Variants in KDM2B observed in about 807,000 individuals in gnomAD.
The protein encoded by KDM2B is lysine-specific demethylase 2B.
Under a neutral mutation model 150.0 loss-of-function variants are expected in KDM2B, and 26 were observed. The ratio of observed to expected loss-of-function variants is 0.17; its 90% CI spans 0.13 to 0.24. The LOEUF (loss-of-function observed/expected upper bound fraction) is 0.24, where lower values mean the gene tolerates loss of function less well. Ranked by LOEUF, KDM2B falls within the 10% of genes least tolerant of loss-of-function variation. KDM2B has a pLI of 1.00. For missense variants in KDM2B, 1,265 were observed against 1,816.9 expected (o/e 0.70, Z 5.52); for synonymous variants, 734 against 729.5 (o/e 1.01, Z -0.10).
intron 12 of KDM2B, chr12:121,470,315 G>C (rs1287326584): frequency 1.3e-5 from 2 of 152,158 alleles, no homozygotes; most frequent in African/African-American, 4.8e-5. Context: ...AAACAAAAAA[G>C]TTGCCGCTAA....
chr12:121,495,312 C>A (rs1243365462), intron 11 of KDM2B, among the ~76,000 whole-genome samples: 1 of 152,132 alleles, frequency 6.6e-6, no homozygotes, highest in African/African-American at 2.4e-5. Context: ...AGGTGTGCAC[C>A]ACCACGCTGG....
intron 12 of KDM2B, among the ~76,000 whole-genome samples, chr12:121,487,594 C>T (rs548140316): frequency 6.6e-6 from 1 of 152,248 alleles, no homozygotes; most frequent in South Asian, 2.1e-4. Flanking sequence ...TCACCAGACC[C>T]GTCGTGCCCT....
intron 10 of KDM2B, among the ~76,000 whole-genome samples, chr12:121,512,762 G>A (rs569626390): frequency 6.6e-6 from 1 of 152,200 alleles, no homozygotes; most frequent in Non-Finnish European, 1.5e-5. Context: ...AGGGCTGGGC[G>A]CTGCAGCGGC....
chr12:121,556,019 C>G (rs1555312643), intron 4 of KDM2B, among the ~76,000 whole-genome samples: 10 of 152,018 alleles, frequency 6.6e-5, no homozygotes, highest in Non-Finnish European at 1.5e-5. Context: ...CTCTGCCTCC[C>G]AAGTTCAAGA....
At chr12:121,497,983 C>T (rs941624236) in intron 11 of KDM2B, among the ~76,000 whole-genome samples, 2 of 151,916 alleles carry the variant, frequency 1.3e-5, no homozygotes, top group Admixed American at 6.6e-5. Flanking sequence ...GTGGTCCCAG[C>T]GACCTGGGAA....
At chr12:121,438,764 T>G (rs1469557877) in intron 22 of KDM2B, among the ~76,000 whole-genome samples, 6 of 151,914 alleles carry the variant, frequency 3.9e-5, no homozygotes, top group African/African-American at 1.5e-4. Flanking sequence ...ATGTCACCAC[T>G]GCGCTGTGTG....
chr12:121,580,890 C>A lies in KDM2B; in HGVS notation c.22G>T (p.Gly8Ter). The A allele has an allele frequency of 4.3e-6, 7 of 1,613,680 alleles. No individual in the cohort carries two copies. The highest frequency in any genetic ancestry group is 5.9e-6 in the Non-Finnish European group (7 of 1,179,830). MAGPQMG[G>*]SAEDHPPRKR... ...CGTGGGGGGTGATCCTCTGCAGATCCCCCCATTTGCGGACCCGCCATGTGG... is the reference window on the plus strand; with the variant it reads ...CGTGGGGGGTGATCCTCTGCAGATCACCCCATTTGCGGACCCGCCATGTGG... The change falls in exon 1 of 23, where the codon GGA (glycine) becomes TGA (stop). Residue 8 changes from glycine to a stop codon, truncating the protein, a stop_gained. Coordinates refer to ENST00000377071, the MANE Select transcript of KDM2B (RefSeq NM_032590.5). LOFTEE classifies it high-confidence loss of function.
At position 121,510,825 on chromosome 12, in the gene KDM2B, C is replaced by A. The variant is rs887360080; in HGVS notation, c.1175-786G>T. Among the ~76,000 whole-genome samples, 7 of 143,074 alleles carry A rather than the reference C, an allele frequency of 4.9e-5. No individual in the cohort carries two copies. The East Asian group carries it at 5.9e-4, about 12-fold the overall frequency. The allele number at this position is 143,074 out of a possible 152,430, so 93.9% of individuals were successfully genotyped here. A position where few individuals can be genotyped will look rare whatever the true frequency, so the allele number is the denominator to read the frequency against. ...AATAATAATAATAATAATAATAATA[C>A]TAAAATAAAATAAAAATAAGTCTAA... On this transcript the variant is annotated intron_variant, in intron 10 of 22. Coordinates refer to ENST00000377071, the MANE Select transcript of KDM2B (RefSeq NM_032590.5).
At chr12:121,502,910 G>A (rs1555302290) in intron 11 of KDM2B, among the ~76,000 whole-genome samples, 1 of 151,110 alleles carries the variant, frequency 6.6e-6, no homozygotes, top group Non-Finnish European at 1.5e-5. Context: ...CGGTGACAGA[G>A]CAAAAGACTC....
chr12:121,536,504 C>T (rs1888111589), intron 6 of KDM2B, among the ~76,000 whole-genome samples: 1 of 152,200 alleles, frequency 6.6e-6, no homozygotes, highest in African/African-American at 2.4e-5. Flanking sequence ...AGCGGGGTCC[C>T]CGCCTGAAGG....
intron 12 of KDM2B, among the ~76,000 whole-genome samples, chr12:121,491,293 T>G (rs1555299861): frequency 6.6e-6 from 1 of 152,012 alleles, no homozygotes; most frequent in African/African-American, 2.4e-5. Context: ...GATAACACCC[T>G]CCATCTCCCA....
rs782026983 is a variant in KDM2B, at chr12:121,534,596, A to G, written c.684-6T>C. 1.1e-5 allele frequency: 17 copies of G among 1,603,832 alleles called. No individual in the cohort carries two copies. The African/African-American group carries it at 2.0e-4, about 19-fold the overall frequency. On this transcript the variant is annotated splice_region_variant and splice_polypyrimidine_tract_variant and intron_variant, in intron 6 of 22. Transcript: ENST00000377071. ...TCACGCTCATCAGACAGTACCTGCA[A>G]CACAGAGGCAGGGAGACAGAACACA...
chr12:121,571,464 T>G (rs1353285538), intron 4 of KDM2B, among the ~76,000 whole-genome samples: 1 of 151,104 alleles, frequency 6.6e-6, no homozygotes, highest in Non-Finnish European at 1.5e-5. Flanking sequence ...AATTTTTGTA[T>G]TTTTAGCAGA....
intron 4 of KDM2B, among the ~76,000 whole-genome samples, chr12:121,567,710 T>C (rs1890805827): frequency 6.9e-6 from 1 of 145,718 alleles, no homozygotes; most frequent in Non-Finnish European, 1.5e-5. Flanking sequence ...ACATTTCTTT[T>C]TTTTTTTTTT....
chr12:121,554,881 A>G (rs1203176105), intron 4 of KDM2B, among the ~76,000 whole-genome samples: 5 of 152,174 alleles, frequency 3.3e-5, no homozygotes, highest in African/African-American at 1.2e-4. Flanking sequence ...GCAGCACTCA[A>G]ATATTTGATG....
intron 4 of KDM2B, among the ~76,000 whole-genome samples, chr12:121,551,044 CG>C (rs1161163080): frequency 1.3e-5 from 2 of 152,054 alleles, no homozygotes; most frequent in East Asian, 1.9e-4. Flanking sequence ...CCTGAAAACC[CG>C]TAAGTATTTA....
chr12:121,408,780 T>C, the KDM2B span, among the ~76,000 whole-genome samples: 1 of 152,134 alleles, frequency 6.6e-6, no homozygotes, highest in African/African-American at 2.4e-5. Context: ...TCACTGACTT[T>C]CTCCTCATAT....
At chr12:121,505,116 CAA>C (rs781886793) in intron 11 of KDM2B, among the ~76,000 whole-genome samples, 22 of 79,500 alleles carry the variant, frequency 2.8e-4, no homozygotes, top group Admixed American at 2.9e-4. Flanking sequence ...GACTCTGTCT[CAA>C]AAAAAAAAAA....
intron 12 of KDM2B, among the ~76,000 whole-genome samples, chr12:121,478,514 T>TTC (rs1881655603): frequency 6.7e-6 from 1 of 149,254 alleles, no homozygotes; most frequent in African/African-American, 2.5e-5. Context: ...CTCCCGCCAC[T>TTC]ACGCCCAGAT....
Sources: allele counts gnomAD v4.1 joint callset (sites outside exome capture counted in the v4.1 genomes callset), GRCh38; gene constraint gnomAD v4.1.1; transcripts MANE v1.5; gene names NCBI Gene and HGNC (gene_info 2026-07-23, HGNC 2026-07-21).